The following FAP variants were observed in gnomAD, a reference collection of about 807,000 sequenced individuals.
FAP encodes the protein prolyl endopeptidase FAP.
In FAP, 110 loss-of-function variants were observed where a neutral mutation model predicts 126.5. That is an observed-to-expected ratio of 0.87 (90% confidence interval 0.74 to 1.02). FAP has a LOEUF of 1.02. Among genes scored for constraint, FAP ranks in the 50% least tolerant of loss-of-function variants. FAP has a pLI of 0.00. For synonymous variants in FAP, 334 were observed against 297.3 expected (o/e 1.12, Z -1.27); for missense variants, 919 against 909.2 (o/e 1.01, Z -0.14).
At chr2:162,216,060 A>C (rs1002996926) in intron 9 of FAP, 59 bp from the exon 10 acceptor site, 5 of 1,242,886 alleles carry the variant, frequency 4.0e-6, no homozygotes, top group African/African-American at 3.0e-5. Context: ...CAACATTTTA[A>C]AGAAACTTTA....
chr2:162,191,787 G>T (rs535312700), intron 17 of FAP, among the ~76,000 whole-genome samples: 338 of 152,172 alleles, frequency 2.2e-3, no homozygotes, highest in African/African-American at 7.8e-3. Context: ...CTTTAACTGG[G>T]CCCTCCCTGA....
intron 9 of FAP, among the ~76,000 whole-genome samples, chr2:162,217,728 G>C (rs541223809): frequency 3.9e-5 from 6 of 152,172 alleles, no homozygotes; most frequent in Non-Finnish European, 8.8e-5. Context: ...AGTTAAGCTT[G>C]TTTTTCCTCC....
chr2:162,208,048 G>A (rs1326256110), intron 12 of FAP, among the ~76,000 whole-genome samples: 2 of 150,508 alleles, frequency 1.3e-5, no homozygotes, highest in Admixed American at 6.6e-5. Context: ...ACGAGGTCAA[G>A]AGATTGAGAC....
chr2:162,235,737 C>G (rs1690102774), intron 2 of FAP, among the ~76,000 whole-genome samples: 1 of 152,178 alleles, frequency 6.6e-6, no homozygotes, highest in African/African-American at 2.4e-5. Context: ...CTGCTGGGGT[C>G]TCCTTCCACA....
chr2:162,182,495 C>A (rs754699039), intron 21 of FAP, among the ~76,000 whole-genome samples: 1 of 152,154 alleles, frequency 6.6e-6, no homozygotes, highest in Non-Finnish European at 1.5e-5. Context: ...GAAGTAACAA[C>A]TTTCTTCAAA....
Position 162,195,515 on chromosome 2 carries a change from C to T in FAP, c.1403-767G>A, listed in dbSNP as rs545546407. On this transcript the variant is annotated intron_variant, in intron 16 of 25. Transcript: ENST00000188790. Reference sequence around the variant, plus strand: ...AGAAGAGAAAACTCTTCTCTTCTCCCGGGTTGGGGGGAGGTAGGGTTGGGG... The same window carrying T: ...AGAAGAGAAAACTCTTCTCTTCTCCTGGGTTGGGGGGAGGTAGGGTTGGGG... Among the ~76,000 whole-genome samples the T allele has an allele frequency of 6.7e-3, 1,015 of 151,372 alleles. 12 individuals carry two copies. Among genetic ancestry groups the T allele is most frequent in the African/African-American group, 0.024 (970 of 41,256 alleles).
At chr2:162,215,352 C>A (rs1689121626) in intron 10 of FAP, among the ~76,000 whole-genome samples, 1 of 152,178 alleles carries the variant, frequency 6.6e-6, no homozygotes, top group Non-Finnish European at 1.5e-5. Flanking sequence ...GACTGAAGGT[C>A]ACTGTATTCT....
chr2:162,215,913 G>C lies in FAP; in HGVS notation c.851C>G (p.Ala284Gly), dbSNP rs1175413094. Reference sequence around the variant, plus strand: ...GATGAACTACCTTGAGGCTATCATTGCTGGAACAGGCACTTCCTGGGGACC... The same window carrying C: ...GATGAACTACCTTGAGGCTATCATTCCTGGAACAGGCACTTCCTGGGGACC... ...YVGPQEVPVPAMIASSDYYFS... is the reference protein window; with the variant it reads ...YVGPQEVPVPGMIASSDYYFS... The change falls in exon 10 of 26, where the codon GCA becomes GGA. Residue 284 changes from alanine to glycine, a missense_variant. Ala to Gly is a moderately conservative substitution (Grantham distance 60). Transcript: ENST00000188790. The C allele has an allele frequency of 6.2e-7, 1 of 1,612,882 alleles. No individual in the cohort carries two copies. Among genetic ancestry groups the C allele is most frequent in the Non-Finnish European group, 8.5e-7 (1 of 1,178,884 alleles).
In FAP at chr2:162,225,136, A is replaced by C. The variant is rs189756407; in HGVS notation, c.285+347T>G. ...TCCTACTTTACCAAGGAAAATACCGAGGCATAGTAAGATTGCTGTAGTGAA... is the reference window on the plus strand; with the variant it reads ...TCCTACTTTACCAAGGAAAATACCGCGGCATAGTAAGATTGCTGTAGTGAA... On this transcript the variant is annotated intron_variant, in intron 4 of 25. Transcript: ENST00000188790. Among the ~76,000 whole-genome samples the C allele has an allele frequency of 2.1e-4, 32 of 152,284 alleles. No individual in the cohort carries two copies. In the East Asian group the frequency reaches 6.0e-3, roughly 28 times the overall value.
At chr2:162,203,215 T>C in intron 12 of FAP, 70 bp from the exon 13 acceptor site, 2 of 965,920 alleles carry the variant, frequency 2.1e-6, no homozygotes, top group East Asian at 5.1e-5. Context: ...TGTTTTAATA[T>C]ATAAAAGCGA....
At position 162,215,952 on chromosome 2, in the gene FAP, T is replaced by C; in HGVS notation, c.812A>G (p.Tyr271Cys). The C allele has an allele frequency of 6.2e-7, 1 of 1,614,104 alleles. No individual in the cohort carries two copies. Among genetic ancestry groups the C allele is most frequent in the Non-Finnish European group, 8.5e-7 (1 of 1,179,984 alleles). Residue 271 changes from tyrosine (Y) to cysteine (C), a missense_variant, in exon 10 of 26, where the codon TAC becomes TGC. Coordinates refer to ENST00000188790, the MANE Select transcript of FAP (RefSeq NM_004460.5). Reference sequence around the variant, plus strand: ...TTCCTGGGGACCTACATACGCAGGGTAAGTGGTATCGATAATAAATATCCG... The same window carrying C: ...TTCCTGGGGACCTACATACGCAGGGCAAGTGGTATCGATAATAAATATCCG... ...VVRIFIIDTT[Y>C]PAYVGPQEVP...
chr2:162,214,797 C>T (rs1038663660), intron 10 of FAP, among the ~76,000 whole-genome samples: 1 of 152,018 alleles, frequency 6.6e-6, no homozygotes, highest in African/African-American at 2.4e-5. Context: ...AGGCCAGTTA[C>T]TTAACTCTTC....
At chr2:162,218,598 T>C (rs148024969) in intron 8 of FAP, among the ~76,000 whole-genome samples, 1,535 of 151,610 alleles carry the variant, frequency 0.01, 17 homozygotes, top group South Asian at 0.018. Context: ...GATAGATAGA[T>C]AGATAAATAG....
intron 17 of FAP, 61 bp from the exon 18 acceptor site, chr2:162,189,815 T>C (rs1464600525): frequency 4.1e-6 from 4 of 984,920 alleles, no homozygotes; most frequent in African/African-American, 3.3e-5. Flanking sequence ...TTTTTTTCCT[T>C]AAAATTCCTT....
rs1029059311 is a variant in FAP at position 162,206,331 on chromosome 2, T to C, written c.1048-3186A>G. Among the ~76,000 whole-genome samples the C allele has an allele frequency of 6.6e-5, 10 of 152,222 alleles. No individual in the cohort carries two copies. In the East Asian group the frequency reaches 1.5e-3, roughly 23 times the overall value. On this transcript the variant is annotated intron_variant, in intron 12 of 25. Transcript: ENST00000188790. ...CTTACACTGGTTTCTTTATTATGCT[T>C]AGATTTTCTGATAGATTACTCATCT...
At chr2:162,178,358 T>C (rs959425765) in intron 21 of FAP, among the ~76,000 whole-genome samples, 3 of 152,212 alleles carry the variant, frequency 2.0e-5, no homozygotes, top group Non-Finnish European at 4.4e-5. Flanking sequence ...GTTTTGCAAC[T>C]CTGACACTAT....
rs534358126 is a variant in FAP, at chr2:162,223,852, G to A, written c.361-192C>T. 5.9e-5 allele frequency among the ~76,000 whole-genome samples: 9 copies of A among 152,218 alleles called. No homozygotes were observed. In the South Asian group the frequency reaches 8.3e-4, roughly 14 times the overall value. ...GAGTCTTACTGTGGACTTTTGTGCC[G>A]TTTGTGCAAGTTCCAGAACTAATCT... On this transcript the variant is annotated intron_variant, in intron 5 of 25. Coordinates refer to ENST00000188790, the MANE Select transcript of FAP (RefSeq NM_004460.5).
rs200752630 is a variant in FAP at position 162,183,486 on chromosome 2, A to C, written c.1815-18T>G. ...TGAATTTTCTAAAGTAAAAGAAACA[A>C]ATTTTTAGAATGTTAAGTGTATACA... On this transcript the variant is annotated intron_variant, in intron 20 of 25. Coordinates refer to ENST00000188790, the MANE Select transcript of FAP (RefSeq NM_004460.5). 9.1e-4 allele frequency: 1,339 copies of C among 1,473,586 alleles called. 2 individuals are homozygous for C. The highest frequency in any genetic ancestry group is 1.1e-3 in the Non-Finnish European group (1,202 of 1,054,090). The allele number at this position is 1,473,586 out of a possible 1,614,324, so 91.3% of individuals were successfully genotyped here.
chr2:162,185,928 T>G (rs1450796222), intron 20 of FAP, among the ~76,000 whole-genome samples: 1 of 152,140 alleles, frequency 6.6e-6, no homozygotes, highest in Non-Finnish European at 1.5e-5. Context: ...AAGCATTGGA[T>G]TATAAGGCTT....
Sources: allele counts gnomAD v4.1 joint callset (sites outside exome capture counted in the v4.1 genomes callset), GRCh38; gene constraint gnomAD v4.1.1; transcripts MANE v1.5; gene names NCBI Gene and HGNC (gene_info 2026-07-23, HGNC 2026-07-21).